Variants in MACF1 observed in about 807,000 individuals in gnomAD.
The protein encoded by MACF1 is microtubule-actin cross-linking factor 1.
A neutral mutation model predicts 854.8 loss-of-function variants in MACF1; 193 were observed. The observed-to-expected ratio is 0.23, with a 90% CI of 0.20 to 0.25. The LOEUF is 0.25. Ranked by LOEUF, MACF1 falls within the 10% of genes least tolerant of loss-of-function variation. The pLI, the probability that MACF1 is intolerant of heterozygous loss-of-function variation, is 1.00. For synonymous variants in MACF1, 3,185 were observed against 3,226.7 expected (o/e 0.99, Z 0.44); for missense variants, 7,722 against 8,929.1 (o/e 0.86, Z 5.45).
At chr1:39,423,590 G>A (rs566710869) in intron 60 of MACF1, among the ~76,000 whole-genome samples, 5 of 143,962 alleles carry the variant, frequency 3.5e-5, no homozygotes, top group African/African-American at 1.3e-4. Flanking sequence ...AGCCGAGATC[G>A]AGCCAGTGCA....
chr1:39,449,034 A>G (rs1570119941), intron 84 of MACF1, among the ~76,000 whole-genome samples: 2 of 152,238 alleles, frequency 1.3e-5, no homozygotes, highest in African/African-American at 4.8e-5. Flanking sequence ...TAAATCATCA[A>G]TTTGTAATAC....
chr1:39,482,514 G>A (rs376249160), intron 99 of MACF1, among the ~76,000 whole-genome samples: 2 of 93,190 alleles, frequency 2.1e-5, no homozygotes, highest in Admixed American at 1.1e-4. Context: ...GGGTTTTTTT[G>A]TTTGTTTGTT....
At chr1:39,476,912 C>T (rs552106450) in intron 97 of MACF1, among the ~76,000 whole-genome samples, 11 of 150,264 alleles carry the variant, frequency 7.3e-5, no homozygotes, top group South Asian at 6.3e-4. Context: ...CTGTCCTCCC[C>T]GGCTTCAAGG....
chr1:39,428,116 C>A lies in MACF1; in HGVS notation c.16632C>A (p.Arg5544=). 2 of 1,614,186 alleles carry A rather than the reference C, an allele frequency of 1.2e-6. No individual in the cohort carries two copies. The highest frequency in any genetic ancestry group is 1.7e-6 in the Non-Finnish European group (2 of 1,180,044). ...LQARYSEIQD[R]CCRKAALLDQ... is the part of the protein sequence containing the mutation. Reference sequence around the variant, plus strand: ...CCCGATACAGTGAAATTCAAGACCGCTGTTGTCGGAAGGCAGCCCTACTTG... The same window carrying A: ...CCCGATACAGTGAAATTCAAGACCGATGTTGTCGGAAGGCAGCCCTACTTG... The change falls in exon 63 of 101, where the codon CGC becomes CGA. Residue 5544 remains arginine, a synonymous_variant. Coordinates refer to ENST00000564288, the MANE Select transcript of MACF1 (RefSeq NM_001394062.1).
At chr1:39,393,846 GGAGAGAGA>G (rs10652572) in intron 58 of MACF1, among the ~76,000 whole-genome samples, 18 of 140,820 alleles carry the variant, frequency 1.3e-4, no homozygotes, top group African/African-American at 4.0e-4. Flanking sequence ...AGGGAGGGAG[GGAGAGAGA>G]GAGAGAGAGA....
At chr1:39,122,233 C>A (rs1051001269) in intron 2 of MACF1, among the ~76,000 whole-genome samples, 1 of 150,864 alleles carries the variant, frequency 6.6e-6, no homozygotes, top group African/African-American at 2.4e-5. Context: ...ACAGTGCAGC[C>A]ACTTCTGTGT....
Position 39,346,808 on chromosome 1 carries a change from C to T in MACF1, c.10582-169C>T, listed in dbSNP as rs181629199. ...TGCTGGGATTACAGGCATGAGCCAC[C>T]GCACCTGGCCAAGAGAGACTTTAAT... On this transcript the variant is annotated intron_variant, in intron 40 of 100. Coordinates refer to ENST00000564288, the MANE Select transcript of MACF1 (RefSeq NM_001394062.1). Among the ~76,000 whole-genome samples, 466 of 152,264 alleles carry T rather than the reference C, an allele frequency of 3.1e-3. 1 individual carries two copies. The highest frequency in any genetic ancestry group is 5.2e-3 in the Non-Finnish European group (352 of 68,026).
intron 2 of MACF1, among the ~76,000 whole-genome samples, chr1:39,232,579 TGG>T (rs1031111594): frequency 2.6e-5 from 4 of 152,226 alleles, no homozygotes; most frequent in African/African-American, 9.6e-5. Flanking sequence ...GTATTCTTTT[TGG>T]GCAGTCTCAT....
chr1:39,094,022 A>G (rs1189341314), intron 2 of MACF1, among the ~76,000 whole-genome samples: 3 of 145,008 alleles, frequency 2.1e-5, no homozygotes, highest in Non-Finnish European at 3.0e-5. Flanking sequence ...CAGGTGATCC[A>G]CCGCCTCGGC....
intron 17 of MACF1, 45 bp from the exon 18 acceptor site, chr1:39,293,413 A>C: frequency 6.5e-7 from 1 of 1,536,646 alleles, no homozygotes; most frequent in South Asian, 1.2e-5. Flanking sequence ...TCTTCTACAG[A>C]TACAAAGGCT....
rs1490896884 is a variant in MACF1 at position 39,205,117 on chromosome 1, C to A, written c.95C>A (p.Ala32Asp). The A allele has an allele frequency of 4.3e-6, 3 of 702,814 alleles. No individual in the cohort carries two copies. Among genetic ancestry groups the A allele is most frequent in the Non-Finnish European group, 7.8e-6 (3 of 384,990 alleles). 43.5% of individuals were successfully genotyped at this position (702,814 alleles called of 1,614,324 possible). A position where few individuals can be genotyped will look rare whatever the true frequency, so the allele number is the denominator to read the frequency against. Residue 32 changes from alanine to aspartate, a missense_variant, in exon 1 of 101, where the codon GCC becomes GAC. Ala to Asp is a moderately radical substitution (Grantham distance 126). Coordinates refer to ENST00000564288, the MANE Select transcript of MACF1 (RefSeq NM_001394062.1). ...VAGVLYWKRH[A>D]RGRADERDRV... ...GGTGTTCTATACTGGAAGAGGCATGCCAGAGGTAGAGCAGGTAACTAACTG... is the reference window on the plus strand; with the variant it reads ...GGTGTTCTATACTGGAAGAGGCATGACAGAGGTAGAGCAGGTAACTAACTG...
At chr1:39,484,907 C>G in intron 100 of MACF1, 177 bp downstream of exon 100, 2 of 689,062 alleles carry the variant, frequency 2.9e-6, no homozygotes, top group Non-Finnish European at 5.0e-6. Context: ...TTACAGCTAG[C>G]TTTAAGCTTT....
chr1:39,222,203 C>A (rs1313730408), intron 1 of MACF1, among the ~76,000 whole-genome samples: 1 of 152,210 alleles, frequency 6.6e-6, no homozygotes. Flanking sequence ...TGGCTCACTG[C>A]AACCTCTGCC....
rs188598973 is a variant in MACF1, at chr1:39,470,899, A to G, written c.21958+1284A>G. ...TGCCTGTTTATTTGCTGCCTGCTCT[A>G]TTTATGATAACATCATGCTGCTGGC... On this transcript the variant is annotated intron_variant, in intron 97 of 100. Coordinates refer to ENST00000564288, the MANE Select transcript of MACF1 (RefSeq NM_001394062.1). 1.2e-4 allele frequency among the ~76,000 whole-genome samples: 19 copies of G among 152,278 alleles called. No individual in the cohort carries two copies. The South Asian group carries it at 2.3e-3, about 18-fold the overall frequency.
chr1:39,100,087 C>T (rs1178165530), intron 2 of MACF1, among the ~76,000 whole-genome samples: 2 of 152,108 alleles, frequency 1.3e-5, no homozygotes, highest in Non-Finnish European at 1.5e-5. Context: ...GTGGTGGCAC[C>T]TGCCTGTAGT....
At position 39,318,605 on chromosome 1, in the gene MACF1, G is replaced by A; in HGVS notation, c.3935G>A (p.Ser1312Asn). 6.2e-7 allele frequency: 1 copy of A among 1,611,046 alleles called. No individual in the cohort carries two copies. The change falls in exon 30 of 101, where the codon AGC (serine) becomes AAC (asparagine). Residue 1312 changes from serine (S) to asparagine (N), a missense_variant. Physicochemically the swap from Ser to Asn is conservative, Grantham distance 46 (BLOSUM62 1). This residue lies in a region of MACF1 where 1,137 missense variants were observed against 1,263.0 expected (regional missense o/e 0.90). Transcript: ENST00000564288. ...EDSRVLSEQL[S>N]QQTALFAEIE... Reference sequence around the variant, plus strand: ...AGCAGAGTGCTTTCGGAGCAGCTCAGCCAGCAGACGGTGAGTGTGGTAGTA... The same window carrying A: ...AGCAGAGTGCTTTCGGAGCAGCTCAACCAGCAGACGGTGAGTGTGGTAGTA...
intron 40 of MACF1, among the ~76,000 whole-genome samples, chr1:39,341,903 T>A (rs1433073108): frequency 6.6e-6 from 1 of 151,576 alleles, no homozygotes; most frequent in Non-Finnish European, 1.5e-5. Context: ...TTTCAGGAGA[T>A]TTTTTGTTGT....
In MACF1 at chr1:39,118,453, A is replaced by C. The variant is rs911749702; in HGVS notation, c.220+34015A>C. The stretch of plus-strand genomic sequence containing the variant: ...GATCCTTGTTTTCATTCTTGTTCTT[A>C]TTGTTAATAAGTGTAATAACAGTAT... On this transcript the variant is annotated intron_variant, in intron 2 of 93. Transcript: ENST00000361689. Among the ~76,000 whole-genome samples the C allele has an allele frequency of 5.9e-5, 9 of 152,190 alleles. 1 individual carries two copies. In the East Asian group the frequency reaches 1.3e-3, roughly 23 times the overall value.
chr1:39,410,193 T>G (rs986283414), intron 58 of MACF1: 17 of 1,113,268 alleles, frequency 1.5e-5, no homozygotes, highest in Non-Finnish European at 1.9e-5. Flanking sequence ...TTATAACTTA[T>G]GTAGAATGCA....
Sources: allele counts gnomAD v4.1 joint callset (sites outside exome capture counted in the v4.1 genomes callset), GRCh38; gene constraint gnomAD v4.1.1; regional missense constraint gnomAD v4.1.1; transcripts MANE v1.5; gene names NCBI Gene and HGNC (gene_info 2026-07-23, HGNC 2026-07-21).